The following FRMD3 variants were observed in gnomAD, a reference collection of about 807,000 sequenced individuals.
FRMD3 encodes the protein FERM domain containing 3.
In FRMD3, 33 loss-of-function variants were observed where a neutral mutation model predicts 70.2. The ratio of observed to expected loss-of-function variants is 0.47; its 90% CI spans 0.36 to 0.63. The LOEUF (loss-of-function observed/expected upper bound fraction) is 0.63. FRMD3 is among the 20% of genes least tolerant of loss of function. The pLI is 0.00. For synonymous variants in FRMD3, 279 were observed against 255.9 expected, an observed-to-expected ratio of 1.09 and a Z score of -0.86; for missense variants, 632 against 711.4, an observed-to-expected ratio of 0.89 and a Z score of 1.27.
At chr9:83,478,001 G>A (rs1828439680) in intron 1 of FRMD3, among the ~76,000 whole-genome samples, 1 of 152,126 alleles carries the variant, frequency 6.6e-6, no homozygotes, top group Admixed American at 6.5e-5. Flanking sequence ...CTTCTCTGTT[G>A]TTTAGACAAA....
At chr9:83,379,914 C>A (rs551528888) in intron 2 of FRMD3, among the ~76,000 whole-genome samples, 1 of 152,296 alleles carries the variant, frequency 6.6e-6, no homozygotes, top group South Asian at 2.1e-4. Flanking sequence ...ATACCCTCTA[C>A]ATGACTTTGC....
chr9:83,570,936 G>A, the FRMD3 span, among the ~76,000 whole-genome samples: 6 of 152,160 alleles, frequency 3.9e-5, no homozygotes, highest in Non-Finnish European at 8.8e-5. Flanking sequence ...TGCACATAAG[G>A]TAAAAGAAAA....
At chr9:83,294,093 T>G (rs182223387) in intron 12 of FRMD3, among the ~76,000 whole-genome samples, 3 of 152,212 alleles carry the variant, frequency 2.0e-5, no homozygotes, top group East Asian at 1.9e-4. Flanking sequence ...TAAACTCCAA[T>G]GTAATGGTAT....
intron 1 of FRMD3, among the ~76,000 whole-genome samples, chr9:83,511,382 C>A (rs2131531120): frequency 6.6e-6 from 1 of 152,286 alleles, no homozygotes; most frequent in East Asian, 1.9e-4. Flanking sequence ...GTTAGCTGAG[C>A]CCAGGGTGCT....
intron 1 of FRMD3, among the ~76,000 whole-genome samples, chr9:83,462,244 C>T (rs138385655): frequency 6.6e-6 from 1 of 152,284 alleles, no homozygotes; most frequent in East Asian, 1.9e-4. Context: ...TCTGGTCCCC[C>T]ATACCACCGG....
At chr9:83,485,518 G>A (rs1471767066) in intron 1 of FRMD3, among the ~76,000 whole-genome samples, 1 of 152,202 alleles carries the variant, frequency 6.6e-6, no homozygotes, top group African/African-American at 2.4e-5. Flanking sequence ...TTCTGAACAA[G>A]AGACACATCA....
At chr9:83,276,721 C>G (rs1198335745) in intron 13 of FRMD3, among the ~76,000 whole-genome samples, 1 of 152,208 alleles carries the variant, frequency 6.6e-6, no homozygotes, top group East Asian at 1.9e-4. Flanking sequence ...TATATGTATA[C>G]ATACTGAGAC....
intron 1 of FRMD3, among the ~76,000 whole-genome samples, chr9:83,526,235 G>A (rs979741538): frequency 4.6e-5 from 7 of 152,136 alleles, no homozygotes; most frequent in Admixed American, 1.3e-4. Context: ...TGGCGTAATG[G>A]TCTGCTATCA....
chr9:83,429,445 A>G (rs1184057773), intron 1 of FRMD3, among the ~76,000 whole-genome samples: 1 of 151,934 alleles, frequency 6.6e-6, no homozygotes, highest in Non-Finnish European at 1.5e-5. Context: ...GCTTACAAAC[A>G]TTCTCCCCAG....
chr9:83,351,916 G>A (rs1824176563), intron 3 of FRMD3, among the ~76,000 whole-genome samples: 2 of 152,118 alleles, frequency 1.3e-5, no homozygotes, highest in South Asian at 2.1e-4. Context: ...TATTATATAT[G>A]TGGAGAGATT....
At chr9:83,423,945 T>C (rs1177569404) in intron 1 of FRMD3, among the ~76,000 whole-genome samples, 2 of 152,176 alleles carry the variant, frequency 1.3e-5, no homozygotes. Flanking sequence ...GTGTCTACCT[T>C]ATCAGATGTT....
At chr9:83,318,427 T>G (rs545816268) in intron 6 of FRMD3, among the ~76,000 whole-genome samples, 1 of 152,288 alleles carries the variant, frequency 6.6e-6, no homozygotes, top group African/African-American at 2.4e-5. Context: ...AAAGACATGA[T>G]CTCATTCCTT....
intron 1 of FRMD3, among the ~76,000 whole-genome samples, chr9:83,424,188 A>G (rs1281267396): frequency 1.3e-5 from 2 of 152,208 alleles, no homozygotes; most frequent in African/African-American, 4.8e-5. Flanking sequence ...AGGAGGCACA[A>G]TGACCCTGTT....
At chr9:83,355,793 G>C (rs1315015371) in intron 3 of FRMD3, among the ~76,000 whole-genome samples, 1 of 152,236 alleles carries the variant, frequency 6.6e-6, no homozygotes, top group Non-Finnish European at 1.5e-5. Context: ...CAGCTGAAAA[G>C]CATTAACTCA....
chr9:83,443,375 G>A (rs1177486385), intron 1 of FRMD3, among the ~76,000 whole-genome samples: 12 of 152,174 alleles, frequency 7.9e-5, no homozygotes, highest in Non-Finnish European at 1.8e-4. Flanking sequence ...CCACCTATGA[G>A]TGAGAACATG....
At chr9:83,556,150 C>T in the FRMD3 span, among the ~76,000 whole-genome samples, 5 of 152,010 alleles carry the variant, frequency 3.3e-5, no homozygotes, top group Non-Finnish European at 7.4e-5. Context: ...GGCCACTCCC[C>T]TACAGATTTC....
chr9:83,317,193 TACACACACACACAC>T (rs71823603), intron 6 of FRMD3, among the ~76,000 whole-genome samples: 1 of 145,030 alleles, frequency 6.9e-6, no homozygotes, highest in African/African-American at 2.6e-5. Flanking sequence ...CTCTCATGCA[TACACACACACACAC>T]ACACACACAC....
chr9:83,575,887 T>C, the FRMD3 span, among the ~76,000 whole-genome samples: 1 of 152,096 alleles, frequency 6.6e-6, no homozygotes, highest in Non-Finnish European at 1.5e-5. Flanking sequence ...AGGGAATTCT[T>C]TTCAACTAAT....
the FRMD3 span, among the ~76,000 whole-genome samples, chr9:83,559,204 G>A: frequency 9.8e-5 from 15 of 152,304 alleles, no homozygotes; most frequent in East Asian, 2.3e-3. Flanking sequence ...GAAAGGAAGA[G>A]TCCATTGATG....
Sources: gnomAD v4.1 joint callset for allele counts (sites outside exome capture counted in the v4.1 genomes callset) on GRCh38, gnomAD v4.1.1 for gene constraint, MANE v1.5 for transcripts, NCBI Gene and HGNC (gene_info 2026-07-23, HGNC 2026-07-21) for gene names.